Variants in GALNT18 observed in about 807,000 individuals in gnomAD.
GALNT18 encodes the protein GalNAc-transferase 18.
A neutral mutation model predicts 69.5 loss-of-function variants in GALNT18; 44 were observed. The observed-to-expected ratio is 0.63, with a 90% CI of 0.50 to 0.81. The LOEUF is 0.81. Ranked by LOEUF, GALNT18 falls within the 40% of genes least tolerant of loss-of-function variation. GALNT18 has a pLI of 0.00. For synonymous variants in GALNT18, 364 were observed against 318.2 expected, an observed-to-expected ratio of 1.14 and a Z score of -1.53; for missense variants, 715 against 810.0, an observed-to-expected ratio of 0.88 and a Z score of 1.42.
At position 11,372,622 on chromosome 11, in the gene GALNT18, C is replaced by T. The variant is rs767663301; in HGVS notation, c.985G>A (p.Ala329Thr). 1.2e-6 allele frequency: 2 copies of T among 1,614,044 alleles called. No homozygotes were observed. The highest frequency in any genetic ancestry group is 1.7e-6 in the Non-Finnish European group (2 of 1,179,952). Reference sequence around the variant, plus strand: ...TCCACAATGAAGCAGCCAATGAGGGCAGGGCTCCTGCAGGGGCAGGGGAGA... The same window carrying T: ...TCCACAATGAAGCAGCCAATGAGGGTAGGGCTCCTGCAGGGGCAGGGGAGA... The part of the protein sequence containing the change: ...ENSTAPIRSP[A>T]LIGCFIVDRQ... The change falls in exon 6 of 11, where the codon GCC becomes ACC. Residue 329 changes from alanine (A) to threonine (T), a missense_variant. Ala to Thr is a moderately conservative substitution (Grantham distance 58). Transcript: ENST00000227756. The surrounding 1 kb of genome is among the most constrained non-coding windows in gnomAD (Gnocchi z 4.9).
Position 11,465,986 on chromosome 11 carries a change from C to A in GALNT18, c.236-17050G>T, listed in dbSNP as rs1856148246. Among the ~76,000 whole-genome samples, 1 of 152,170 alleles carries A rather than the reference C, an allele frequency of 6.6e-6. No homozygotes were observed. The highest frequency in any genetic ancestry group is 2.1e-4 in the South Asian group (1 of 4,832). ...GGCCCAAAGGAACCACAGGAGGCATCCATCCAGACCAGTGCTTCTCAGCTC... is the reference window on the plus strand; with the variant it reads ...GGCCCAAAGGAACCACAGGAGGCATACATCCAGACCAGTGCTTCTCAGCTC... On this transcript the variant is annotated intron_variant, in intron 1 of 10. Transcript: ENST00000227756. The surrounding 1 kb of genome is among the most constrained non-coding windows in gnomAD (Gnocchi z 5.7).
chr11:11,443,341 G>A (rs992800867), intron 2 of GALNT18, among the ~76,000 whole-genome samples: 1 of 152,234 alleles, frequency 6.6e-6, no homozygotes, highest in Non-Finnish European at 1.5e-5. Context: ...GACTTCTTCA[G>A]TCGCTTTCTC....
intron 5 of GALNT18, among the ~76,000 whole-genome samples, chr11:11,374,271 C>G (rs1354035374): frequency 2.0e-5 from 3 of 152,188 alleles, no homozygotes; most frequent in East Asian, 1.9e-4. Flanking sequence ...AGTTCCCTAG[C>G]CTCTCTGAGC....
intron 9 of GALNT18, among the ~76,000 whole-genome samples, chr11:11,324,899 T>A (rs1849892370): frequency 6.6e-6 from 1 of 152,248 alleles, no homozygotes; most frequent in East Asian, 1.9e-4. Context: ...ACTTTTACAC[T>A]GCTGGTGGGA....
chr11:11,378,639 A>T (rs1390299791), intron 4 of GALNT18, among the ~76,000 whole-genome samples: 4 of 152,218 alleles, frequency 2.6e-5, no homozygotes, highest in African/African-American at 7.2e-5. Context: ...CACCTGTGAC[A>T]ACATGGGGCA....
chr11:11,519,729 C>T (rs759951098), intron 1 of GALNT18, among the ~76,000 whole-genome samples: 10 of 152,240 alleles, frequency 6.6e-5, no homozygotes, highest in Non-Finnish European at 1.0e-4. Context: ...AGCCCCATCT[C>T]GCCCTGACTG....
chr11:11,424,470 A>G (rs889683819), intron 3 of GALNT18, among the ~76,000 whole-genome samples: 3 of 152,138 alleles, frequency 2.0e-5, no homozygotes, highest in African/African-American at 7.2e-5. Context: ...TGCCTCATCT[A>G]TGAAGTGGAG....
At chr11:11,366,877 A>G (rs190967069) in intron 6 of GALNT18, among the ~76,000 whole-genome samples, 53 of 152,330 alleles carry the variant, frequency 3.5e-4, no homozygotes, top group African/African-American at 9.6e-4. Context: ...ATGATTGAGG[A>G]AAAAACCTAG....
At position 11,591,076 on chromosome 11, in the gene GALNT18, A is replaced by G. The variant is rs138972995; in HGVS notation, c.235+30283T>C. ...TATCATCATAGCAGATGACAGCTCTATGCATGTTATTGCCCAATGGGACAA... is the reference window on the plus strand; with the variant it reads ...TATCATCATAGCAGATGACAGCTCTGTGCATGTTATTGCCCAATGGGACAA... On this transcript the variant is annotated intron_variant, in intron 1 of 10. Transcript: ENST00000227756. This position sits in a 1 kb window ranked among gnomAD's most constrained non-coding sequence, Gnocchi z 4.8. 1.4e-3 allele frequency among the ~76,000 whole-genome samples: 208 copies of G among 152,184 alleles called. 1 individual carries two copies. The highest frequency in any genetic ancestry group is 4.7e-3 in the African/African-American group (197 of 41,510).
intron 3 of GALNT18, among the ~76,000 whole-genome samples, chr11:11,403,837 G>C (rs923471876): frequency 7.9e-5 from 12 of 152,226 alleles, no homozygotes; most frequent in African/African-American, 2.9e-4. Flanking sequence ...AGGACACAGT[G>C]CTCCGTGATG....
chr11:11,382,987 A>C lies in GALNT18; in HGVS notation c.596-3723T>G, dbSNP rs1276327546. ...CAGAGAAATACAATTTGCACCCTGC[A>C]TGGGGCCAGGTGTCATCCTGCTTAT... On this transcript the variant is annotated intron_variant, in intron 3 of 10. Coordinates refer to ENST00000227756, the MANE Select transcript of GALNT18 (RefSeq NM_198516.3). This position sits in a 1 kb window ranked among gnomAD's most constrained non-coding sequence, Gnocchi z 4.3. Among the ~76,000 whole-genome samples the C allele has an allele frequency of 6.6e-6, 1 of 152,182 alleles. No homozygotes were observed. The highest frequency in any genetic ancestry group is 1.5e-5 in the Non-Finnish European group (1 of 68,032).
chr11:11,371,292 C>T (rs1002200406), intron 6 of GALNT18, among the ~76,000 whole-genome samples: 1 of 152,180 alleles, frequency 6.6e-6, no homozygotes. Context: ...GGGCAAGGGC[C>T]GTCCAGGGCC....
chr11:11,440,601 C>A (rs1590003967), intron 2 of GALNT18, among the ~76,000 whole-genome samples: 1 of 152,178 alleles, frequency 6.6e-6, no homozygotes, highest in Non-Finnish European at 1.5e-5. Flanking sequence ...GAAATTACTC[C>A]CCCAGGGACT....
At chr11:11,443,493 C>A (rs1039568447) in intron 2 of GALNT18, among the ~76,000 whole-genome samples, 1 of 152,104 alleles carries the variant, frequency 6.6e-6, no homozygotes, top group Non-Finnish European at 1.5e-5. Flanking sequence ...TTTCCTTTTC[C>A]TCTTCTTGCC....
chr11:11,352,155 G>T, intron 6 of GALNT18: 1 of 1,613,532 alleles, frequency 6.2e-7, no homozygotes, highest in African/African-American at 1.3e-5. Flanking sequence ...GTAGAAATAG[G>T]GGTGCTCCAT....
intron 2 of GALNT18, among the ~76,000 whole-genome samples, chr11:11,446,339 C>A (rs1564953368): frequency 6.6e-6 from 1 of 152,152 alleles, no homozygotes; most frequent in African/African-American, 2.4e-5. Context: ...GCTTCCTTTC[C>A]ATTTTCCCTT....
chr11:11,398,983 G>A (rs1243267099), intron 3 of GALNT18, among the ~76,000 whole-genome samples: 2 of 152,176 alleles, frequency 1.3e-5, no homozygotes, highest in Admixed American at 6.5e-5. Context: ...TGAAAGGAAG[G>A]TGGAGCCAAC....
intron 1 of GALNT18, among the ~76,000 whole-genome samples, chr11:11,579,890 TC>T (rs759652862): frequency 5.3e-4 from 80 of 152,302 alleles, no homozygotes; most frequent in Admixed American, 9.1e-4. Flanking sequence ...GTAGTCAACC[TC>T]TGAGTTGTGA....
At chr11:11,296,806 A>G (rs1849410081) in intron 9 of GALNT18, among the ~76,000 whole-genome samples, 1 of 152,200 alleles carries the variant, frequency 6.6e-6, no homozygotes, top group Non-Finnish European at 1.5e-5. Flanking sequence ...GACTGGCGTA[A>G]TCACAAGGCT....
Sources: gnomAD v4.1 joint callset for allele counts (sites outside exome capture counted in the v4.1 genomes callset) on GRCh38, gnomAD v4.1.1 for gene constraint, Gnocchi (gnomAD v3.1) non-coding constraint, MANE v1.5 for transcripts, NCBI Gene and HGNC (gene_info 2026-07-23, HGNC 2026-07-21) for gene names.